CHODL: variants seen among roughly 807,000 people sequenced by gnomAD.
The protein encoded by CHODL is chondrolectin.
Under a neutral mutation model 34.5 loss-of-function variants are expected in CHODL, and 29 were observed. The observed-to-expected ratio is 0.84, with a 90% CI of 0.63 to 1.15. The LOEUF is 1.15. CHODL is among the 50% of genes most tolerant of loss of function. The probability of loss-of-function intolerance (pLI) is 0.00; values close to 1 mark genes in which losing one functional copy is unlikely to be tolerated. For synonymous variants in CHODL, 125 were observed against 116.1 expected (o/e 1.08, Z -0.49); for missense variants, 332 against 332.5 (o/e 1.00, Z 0.01).
chr21:18,070,024 C>CG (rs2146497253), intron 2 of CHODL, among the ~76,000 whole-genome samples: 1 of 69,816 alleles, frequency 1.4e-5, no homozygotes, highest in Admixed American at 1.5e-4. Context: ...CTTCCCTTCC[C>CG]TCCCCCCCCC....
Position 17,955,640 on chromosome 21 carries a change from A to G in CHODL, c.-145+38240A>G, listed in dbSNP as rs141890204. ...GTTGCCAAATATACCTGAAAATCAT[A>G]TAATGAGTGGATTGATATTGCACAT... On this transcript the variant is annotated intron_variant, in intron 1 of 6. Coordinates refer to the CHODL transcript ENST00000400127. 1.9e-3 allele frequency among the ~76,000 whole-genome samples: 261 copies of G among 137,308 alleles called. 26 individuals are homozygous for G. The highest frequency in any genetic ancestry group is 6.1e-3 in the African/African-American group (244 of 40,140). The allele number at this position is 137,308 out of a possible 152,430, so 90.1% of individuals were successfully genotyped here. A position where few individuals can be genotyped will look rare whatever the true frequency, so the allele number is the denominator to read the frequency against.
intron 1 of CHODL, among the ~76,000 whole-genome samples, chr21:17,951,869 T>C (rs2146342480): frequency 6.6e-6 from 1 of 152,162 alleles, no homozygotes; most frequent in East Asian, 1.9e-4. Flanking sequence ...ATTCATATGA[T>C]AGAAATATTG....
At chr21:18,043,598 A>C (rs528799787) in intron 2 of CHODL, among the ~76,000 whole-genome samples, 142 of 152,064 alleles carry the variant, frequency 9.3e-4, no homozygotes, top group African/African-American at 3.3e-3. Flanking sequence ...CTTAGGTTCC[A>C]GAAGGATGAC....
chr21:18,199,024 G>A (rs2073622070), intron 2 of CHODL, among the ~76,000 whole-genome samples: 1 of 151,968 alleles, frequency 6.6e-6, no homozygotes, highest in Non-Finnish European at 1.5e-5. Flanking sequence ...TACAGGCCAA[G>A]GAATTAAAAT....
chr21:17,976,270 GA>G (rs71318119), intron 1 of CHODL, among the ~76,000 whole-genome samples: 2,048 of 66,138 alleles, frequency 0.031, 6 homozygotes, highest in African/African-American at 0.042. Context: ...GACCATCTCA[GA>G]AAAAAAAAAA....
chr21:18,127,701 T>TTTTTTTTTA (rs2072592150), intron 2 of CHODL, among the ~76,000 whole-genome samples: 7 of 128,102 alleles, frequency 5.5e-5, no homozygotes, highest in African/African-American at 1.2e-4. Context: ...TTTTTTTTTT[T>TTTTTTTTTA]AGCTTAAAAC....
chr21:17,972,249 T>C (rs1214752039), intron 1 of CHODL, among the ~76,000 whole-genome samples: 4 of 152,216 alleles, frequency 2.6e-5, no homozygotes, highest in Non-Finnish European at 5.9e-5. Flanking sequence ...GAATGCCCTC[T>C]TTCACCACTT....
chr21:18,208,257 C>T (rs2073735738), intron 2 of CHODL, among the ~76,000 whole-genome samples: 2 of 150,088 alleles, frequency 1.3e-5, no homozygotes, highest in Admixed American at 6.7e-5. Context: ...TTGATCAATT[C>T]TATTAAGACT....
chr21:18,235,065 T>C (rs2074016701), intron 2 of CHODL, among the ~76,000 whole-genome samples: 1 of 152,084 alleles, frequency 6.6e-6, no homozygotes, highest in Admixed American at 6.6e-5. Flanking sequence ...GAGAAAATTA[T>C]GGAGGTGCCC....
At chr21:18,072,544 A>G (rs982206716) in intron 2 of CHODL, among the ~76,000 whole-genome samples, 2 of 152,196 alleles carry the variant, frequency 1.3e-5, no homozygotes, top group African/African-American at 2.4e-5. Flanking sequence ...AGGAATTTCA[A>G]TAAAGAGAAA....
chr21:17,923,341 G>T (rs535844587), intron 1 of CHODL, among the ~76,000 whole-genome samples: 2 of 151,674 alleles, frequency 1.3e-5, no homozygotes, highest in East Asian at 3.9e-4. Flanking sequence ...TATGAGGTAG[G>T]TGTAAGCATG....
At chr21:18,030,519 G>A (rs532241839) in intron 2 of CHODL, among the ~76,000 whole-genome samples, 29 of 152,230 alleles carry the variant, frequency 1.9e-4, no homozygotes, top group African/African-American at 6.0e-4. Flanking sequence ...ACTGCTCGTC[G>A]TTTTCCATTG....
intron 2 of CHODL, among the ~76,000 whole-genome samples, chr21:18,056,369 G>T (rs1469020499): frequency 7.2e-6 from 1 of 138,214 alleles, no homozygotes; most frequent in Non-Finnish European, 1.5e-5. Context: ...TAAAAATAAA[G>T]AATTATTTAT....
Position 18,245,088 on chromosome 21 carries a change from C to A in CHODL, c.-136C>A, listed in dbSNP as rs2146778713. 2.2e-5 allele frequency: 15 copies of A among 689,436 alleles called. 1 individual carries two copies. The highest frequency in any genetic ancestry group is 1.5e-4 in the South Asian group (6 of 40,636). The allele number at this position is 689,436 out of a possible 1,614,324, so 42.7% of individuals were successfully genotyped here. A position where few individuals can be genotyped will look rare whatever the true frequency, so the allele number is the denominator to read the frequency against. On this transcript the variant is annotated 5_prime_UTR_variant, in exon 1 of 6. Coordinates refer to ENST00000299295, the MANE Select transcript of CHODL (RefSeq NM_024944.3). ...GCCGAAGGCGATGCGCGCAGGGGGT[C>A]GGGCAGCTGGGCTCGGGCGGCGGGA... is the stretch of plus-strand genomic sequence containing the variant.
rs1212894827 is a variant in CHODL at position 18,013,635 on chromosome 21, C to CTTTT, written c.-144-14223_-144-14220dup. Among the ~76,000 whole-genome samples the CTTTT allele has an allele frequency of 9.0e-4, 65 of 71,890 alleles. 17 individuals are homozygous for CTTTT. The highest frequency in any genetic ancestry group is 5.5e-4 in the Non-Finnish European group (22 of 39,824). The allele number at this position is 71,890 out of a possible 152,430, so 47.2% of individuals were successfully genotyped here. Reference sequence around the variant, plus strand: ...GATCATTGATTTTCTGCTGCTGCTGCTTTTTTTTTTTTTTTTTGAGACAGA... The same window carrying CTTTT: ...GATCATTGATTTTCTGCTGCTGCTGCTTTTTTTTTTTTTTTTTTTTTGAGACAGA... On this transcript the variant is annotated intron_variant, in intron 1 of 6. Coordinates refer to the CHODL transcript ENST00000400127.
At chr21:17,960,709 T>G (rs1305336007) in intron 1 of CHODL, among the ~76,000 whole-genome samples, 1 of 152,184 alleles carries the variant, frequency 6.6e-6, no homozygotes, top group Non-Finnish European at 1.5e-5. Flanking sequence ...TAATGGACTA[T>G]TATCTGTTTC....
intron 1 of CHODL, among the ~76,000 whole-genome samples, chr21:17,949,534 C>T (rs2063439322): frequency 6.6e-6 from 1 of 152,098 alleles, no homozygotes; most frequent in Admixed American, 6.5e-5. Flanking sequence ...TTCCTCTTCA[C>T]TTTCAATGAA....
intron 2 of CHODL, among the ~76,000 whole-genome samples, chr21:18,194,577 A>G (rs1385555208): frequency 6.6e-6 from 1 of 151,356 alleles, no homozygotes; most frequent in Non-Finnish European, 1.5e-5. Context: ...CTGAGCCTCA[A>G]TTTAAATTAG....
intron 2 of CHODL, among the ~76,000 whole-genome samples, chr21:18,165,608 C>T (rs941210404): frequency 6.6e-6 from 1 of 152,122 alleles, no homozygotes; most frequent in Non-Finnish European, 1.5e-5. Context: ...AGCTAGCTTC[C>T]AAGACACAGT....
Sources: gnomAD v4.1 joint callset for allele counts (sites outside exome capture counted in the v4.1 genomes callset) on GRCh38, gnomAD v4.1.1 for gene constraint, MANE v1.5 for transcripts, NCBI Gene and HGNC (gene_info 2026-07-23, HGNC 2026-07-21) for gene names.